Variants in TCEA2 observed in about 807,000 individuals in gnomAD.
The protein encoded by TCEA2 is transcription elongation factor A protein 2.
In TCEA2, 21 loss-of-function variants were observed where a neutral mutation model predicts 40.8. The ratio of observed to expected loss-of-function variants is 0.51; its 90% CI spans 0.36 to 0.74. TCEA2 has a LOEUF of 0.74. TCEA2 is among the 30% of genes least tolerant of loss of function. The pLI is 0.00. For missense variants in TCEA2, 326 were observed against 426.5 expected (o/e 0.76, Z 2.08); for synonymous variants, 165 against 162.7 (o/e 1.01, Z -0.11).
chr20:64,068,429 C>T (rs1047441883), intron 4 of TCEA2, among the ~76,000 whole-genome samples: 2 of 152,364 alleles, frequency 1.3e-5, no homozygotes. Flanking sequence ...CCCAAGGCCC[C>T]CTGCTGGGTC....
intron 6 of TCEA2, 170 bp downstream of exon 6, chr20:64,069,991 C>G (rs750917397): frequency 1.1e-6 from 1 of 931,006 alleles, no homozygotes; most frequent in Non-Finnish European, 1.7e-6. Context: ...GGAGGGCCCC[C>G]GGACCAGCTG....
Position 64,072,117 on chromosome 20 carries a change from C to T in TCEA2, c.892-55C>T, listed in dbSNP as rs1042501002. 5 of 1,610,826 alleles carry T rather than the reference C, an allele frequency of 3.1e-6. No homozygotes were observed. In the African/African-American group the frequency reaches 5.3e-5, roughly 17 times the overall value. On this transcript the variant is annotated intron_variant, in intron 9 of 9. Transcript: ENST00000343484. ...TTGGGTGAGCCTGTGCGGCCTTCCA[C>T]TCTGGGGGATCTCATGTGGCCACAA...
upstream of TCEA2, among the ~76,000 whole-genome samples, chr20:64,059,846 G>A (rs1403564005): frequency 6.6e-6 from 1 of 152,148 alleles, no homozygotes; most frequent in Non-Finnish European, 1.5e-5. Flanking sequence ...TCAAGGCTGG[G>A]TCTCTAGTCT....
chr20:64,070,177 A>G, intron 6 of TCEA2, 83 bp from the exon 7 acceptor site: 1 of 1,574,452 alleles, frequency 6.4e-7, no homozygotes, highest in Non-Finnish European at 8.6e-7. Context: ...TCCAGCCCCC[A>G]CCCCAACATG....
rs1311773389 is a variant in TCEA2 at position 64,069,816 on chromosome 20, A to G, written c.512A>G (p.Glu171Gly). 4 of 1,613,774 alleles carry G rather than the reference A, an allele frequency of 2.5e-6. No homozygotes were observed. The highest frequency in any genetic ancestry group is 2.5e-6 in the Non-Finnish European group (3 of 1,179,986). ...TGCGAGCGCCTGTCGGCTCAGATCG[A>G]GGAATATATCCTTTGGGTAGGGGCT... ...ADCERLSAQI[E>G]ECIFRDVGNT... Residue 171 changes from glutamate (E) to glycine (G), a missense_variant, in exon 6 of 10, where the codon GAG (glutamate) becomes GGG (glycine). By Grantham distance (98) the Glu-to-Gly change is moderately conservative. Transcript: ENST00000343484.
chr20:64,072,139 A>C, intron 9 of TCEA2, 33 bp from the exon 10 acceptor site: 3 of 1,613,130 alleles, frequency 1.9e-6, no homozygotes, highest in Non-Finnish European at 2.5e-6. Flanking sequence ...TCATGTGGCC[A>C]CAAGGCTGGA....
chr20:64,072,017 G>A, intron 9 of TCEA2, 76 bp downstream of exon 9: 8 of 1,605,298 alleles, frequency 5.0e-6, no homozygotes, highest in Non-Finnish European at 6.8e-6. Context: ...TGTGGGGTCT[G>A]TGGTGTGAAC....
chr20:64,055,906 T>C (rs372469027), upstream of TCEA2, among the ~76,000 whole-genome samples: 2 of 152,090 alleles, frequency 1.3e-5, no homozygotes, highest in African/African-American at 4.8e-5. The surrounding 1 kb of genome is among the most constrained non-coding windows in gnomAD (Gnocchi z 4.0). Flanking sequence ...CAGGGAACCC[T>C]GGTTTTGCTG....
intron 8 of TCEA2, 54 bp from the exon 9 acceptor site, chr20:64,071,816 C>A: frequency 6.3e-7 from 1 of 1,597,652 alleles, no homozygotes; most frequent in Non-Finnish European, 8.5e-7. Flanking sequence ...TGAGGGGATG[C>A]CGTCTGCAGC....
Position 64,070,811 on chromosome 20 carries a change from C to T in TCEA2, c.819+176C>T, listed in dbSNP as rs886969692. Among the ~76,000 whole-genome samples, 8 of 152,240 alleles carry T rather than the reference C, an allele frequency of 5.3e-5. 1 individual carries two copies. Among genetic ancestry groups the T allele is most frequent in the Admixed American group, 2.0e-4 (3 of 15,290 alleles). On this transcript the variant is annotated intron_variant, in intron 8 of 9. Coordinates refer to ENST00000343484, the MANE Select transcript of TCEA2 (RefSeq NM_003195.6). ...AGGGACCACTCCCCTCTACCCAGGA[C>T]CTCTGGGCTCCACGGGGCGGCGTCT...
intron 2 of TCEA2, 29 bp from the exon 3 acceptor site, chr20:64,066,886 T>TC (rs140296093): frequency 0.075 from 120,176 of 1,606,554 alleles, 5,995 homozygotes; most frequent in South Asian, 0.22. Flanking sequence ...GGCCCCTGCC[T>TC]CCCCCAACCC....
At position 64,064,705 on chromosome 20, in the gene TCEA2, C is replaced by T. The variant is rs530253186; in HGVS notation, c.72+1321C>T. Among the ~76,000 whole-genome samples the T allele has an allele frequency of 3.3e-5, 5 of 152,090 alleles. No individual in the cohort carries two copies. In the South Asian group the frequency reaches 6.2e-4, roughly 19 times the overall value. ...GTTGAGTCTGGGTTCCTGTGACCAGCGTTCTGGACTGGGGTCTGCCCTGGG... is the reference window on the plus strand; with the variant it reads ...GTTGAGTCTGGGTTCCTGTGACCAGTGTTCTGGACTGGGGTCTGCCCTGGG... On this transcript the variant is annotated intron_variant, in intron 1 of 9. Coordinates refer to ENST00000343484, the MANE Select transcript of TCEA2 (RefSeq NM_003195.6).
chr20:64,063,147 ATGC>A, upstream of TCEA2: 1 of 482,754 alleles, frequency 2.1e-6, no homozygotes, highest in Non-Finnish European at 3.1e-6. Context: ...GCATCCTAGG[ATGC>A]CGCGCGCGGC....
chr20:64,070,471 A>T lies in TCEA2; in HGVS notation c.673-18A>T, dbSNP rs370074395. 4.3e-6 allele frequency: 7 copies of T among 1,613,540 alleles called. No homozygotes were observed. In the East Asian group the frequency reaches 1.3e-4, roughly 31 times the overall value. On this transcript the variant is annotated intron_variant, in intron 7 of 9. Coordinates refer to ENST00000343484, the MANE Select transcript of TCEA2 (RefSeq NM_003195.6). ...CTCCCTCGGAGCGGTGGGCTAAGCCACTGGCCCCGTGCTCCAGGAGATGGC... is the reference window on the plus strand; with the variant it reads ...CTCCCTCGGAGCGGTGGGCTAAGCCTCTGGCCCCGTGCTCCAGGAGATGGC...
Position 64,072,004 on chromosome 20 carries a change from C to G in TCEA2, c.891+63C>G, listed in dbSNP as rs2059850688. ...TTCTCTGGAGGTGGGGTGTCTCAGC[C>G]TCTGTGGGGTCTGTGGTGTGAACTG... On this transcript the variant is annotated intron_variant, in intron 9 of 9. Coordinates refer to ENST00000343484, the MANE Select transcript of TCEA2 (RefSeq NM_003195.6). The G allele has an allele frequency of 1.9e-6, 3 of 1,608,760 alleles. No individual in the cohort carries two copies. In the Admixed American group the frequency reaches 5.0e-5, roughly 27 times the overall value.
At chr20:64,063,409 C>T in intron 1 of TCEA2, 25 bp downstream of exon 1, 1 of 1,540,960 alleles carries the variant, frequency 6.5e-7, no homozygotes, top group Non-Finnish European at 8.7e-7. Context: ...CCGCCAGGAC[C>T]CCGGGAACCC....
Position 64,063,214 on chromosome 20 carries a change from G to A in TCEA2, c.-99G>A. The A allele has an allele frequency of 7.4e-6, 8 of 1,080,202 alleles. No homozygotes were observed. Among genetic ancestry groups the A allele is most frequent in the Non-Finnish European group, 9.5e-6 (8 of 840,236 alleles). 66.9% of individuals were successfully genotyped at this position (1,080,202 alleles called of 1,614,324 possible). ...CTGTCGTCCGCGGCGGGGCTGCGTC[G>A]GCTGCGGCGGGTGTGGGAGGTGGCG... On this transcript the variant is annotated 5_prime_UTR_variant, in exon 1 of 10. Coordinates refer to ENST00000343484, the MANE Select transcript of TCEA2 (RefSeq NM_003195.6).
upstream of TCEA2, among the ~76,000 whole-genome samples, chr20:64,056,557 T>TCTC (rs1569239064): frequency 6.6e-6 from 1 of 151,876 alleles, no homozygotes; most frequent in African/African-American, 2.4e-5. Flanking sequence ...GGCTGCAGGA[T>TCTC]CCCCAGCCCC....
chr20:64,060,956 A>T (rs1037026473), upstream of TCEA2, among the ~76,000 whole-genome samples: 2 of 150,382 alleles, frequency 1.3e-5, no homozygotes, highest in African/African-American at 2.4e-5. Flanking sequence ...TGCCCGGCTA[A>T]TTTTTTTTTG....
Sources: gnomAD v4.1 joint callset for allele counts (sites outside exome capture counted in the v4.1 genomes callset) on GRCh38, gnomAD v4.1.1 for gene constraint, Gnocchi (gnomAD v3.1) non-coding constraint, MANE v1.5 for transcripts, NCBI Gene and HGNC (gene_info 2026-07-23, HGNC 2026-07-21) for gene names.